Variants in THAP4 observed in about 807,000 individuals in gnomAD.
The protein encoded by THAP4 is peroxynitrite isomerase THAP4.
In THAP4, 18 loss-of-function variants were observed where a neutral mutation model predicts 48.1. That is an observed-to-expected ratio of 0.37 (90% CI 0.26 to 0.56). The LOEUF is 0.56. Among genes scored for constraint, THAP4 ranks in the 20% least tolerant of loss-of-function variants. The pLI is 0.78. For synonymous variants in THAP4, 345 were observed against 324.9 expected (o/e 1.06, Z -0.66); for missense variants, 656 against 774.9 (o/e 0.85, Z 1.82).
rs186550435 is a variant in THAP4, at chr2:241,612,415, C to T, written c.1241-5942G>A. ...GGAGCAGTGGCCCAGGACTGCCACT[C>T]CTGGAGACATGCACTCCCAGCAGAA... On this transcript the variant is annotated intron_variant, in intron 2 of 5. Transcript: ENST00000407315. The surrounding 1 kb of genome is among the most constrained non-coding windows in gnomAD (Gnocchi z 4.1). 6.6e-6 allele frequency among the ~76,000 whole-genome samples: 1 copy of T among 152,298 alleles called. No homozygotes were observed. Among genetic ancestry groups the T allele is most frequent in the East Asian group, 1.9e-4 (1 of 5,186 alleles).
intron 5 of THAP4, among the ~76,000 whole-genome samples, chr2:241,591,221 A>ATGATGATGGGCACTAGGACACACAGAG (rs2066974857): frequency 2.0e-4 from 5 of 24,946 alleles, no homozygotes; most frequent in Non-Finnish European, 2.3e-4. Context: ...GACACTCAGA[A>ATGATGATGGGCACTAGGACACACAGAG]CTGCTCGGCT....
intron 2 of THAP4, among the ~76,000 whole-genome samples, chr2:241,631,039 C>A (rs868608705): frequency 2.6e-5 from 4 of 152,084 alleles, no homozygotes; most frequent in South Asian, 2.1e-4. Flanking sequence ...ACCTCGGCAA[C>A]AGAGTGAGAT....
At chr2:241,637,393 T>G (rs529324360), upstream of THAP4, 1 of 1,425,602 alleles carries the variant, frequency 7.0e-7, no homozygotes, top group Non-Finnish European at 9.2e-7. Context: ...GGGACAGAGC[T>G]CGCCTCTGCC....
chr2:241,636,147 A>G (rs1230976963), intron 1 of THAP4, among the ~76,000 whole-genome samples: 2 of 152,264 alleles, frequency 1.3e-5, no homozygotes, highest in African/African-American at 2.4e-5. Flanking sequence ...CTTATAATAC[A>G]TTGTAATGAT....
In THAP4 at chr2:241,616,316, C is replaced by T. The variant is rs1009842112; in HGVS notation, c.1241-9843G>A. On this transcript the variant is annotated intron_variant, in intron 2 of 5. Transcript: ENST00000407315. This position sits in a 1 kb window ranked among gnomAD's most constrained non-coding sequence, Gnocchi z 4.6. ...ATTGCTGGCAGCTTGGAAGGCGACC[C>T]GTGACATCAGTGAGAAGGGCGGGTG... Among the ~76,000 whole-genome samples the T allele has an allele frequency of 3.9e-5, 6 of 152,266 alleles. No individual in the cohort carries two copies. The highest frequency in any genetic ancestry group is 1.9e-4 in the East Asian group (1 of 5,184).
intron 2 of THAP4, chr2:241,617,479 C>T (rs140817855): frequency 2.0e-4 from 303 of 1,548,686 alleles, no homozygotes; most frequent in Non-Finnish European, 2.6e-4. Context: ...TGCCAATTGA[C>T]GGGAAATGTT....
chr2:241,603,020 C>T lies in THAP4; in HGVS notation c.1460G>A (p.Arg487His), dbSNP rs370882355. ...CACCTTGTTGGTGTCGGGCTTGAGG[C>T]GAATGAAGCCACACTCTCTGTGCAT... ...KPMHRECGFI[R>H]LKPDTNKVAF... The change falls in exon 4 of 6, where the codon CGC (arginine) becomes CAC (histidine). Residue 487 changes from arginine (R) to histidine (H), a missense_variant. By Grantham distance (29) the Arg-to-His change is conservative. Coordinates refer to ENST00000407315, the MANE Select transcript of THAP4 (RefSeq NM_015963.6). 5.0e-5 allele frequency: 81 copies of T among 1,614,028 alleles called. No homozygotes were observed. The highest frequency in any genetic ancestry group is 1.1e-4 in the East Asian group (5 of 44,888).
intron 2 of THAP4, among the ~76,000 whole-genome samples, chr2:241,613,065 T>C (rs550115653): frequency 6.6e-6 from 1 of 152,340 alleles, no homozygotes; most frequent in East Asian, 1.9e-4. Context: ...ACCTTTTTAA[T>C]GTAGCTATTA....
intron 5 of THAP4, among the ~76,000 whole-genome samples, chr2:241,597,692 C>CT (rs1041295472): frequency 6.6e-6 from 1 of 152,204 alleles, no homozygotes; most frequent in African/African-American, 2.4e-5. Flanking sequence ...TCCCTGCCTT[C>CT]TGTGTGTGCT....
At chr2:241,624,996 C>T (rs2067479877) in intron 2 of THAP4, among the ~76,000 whole-genome samples, 1 of 152,152 alleles carries the variant, frequency 6.6e-6, no homozygotes, top group Admixed American at 6.5e-5. Context: ...GTCACAGCAT[C>T]TATTAAAGAA....
In THAP4 at chr2:241,601,927, A is replaced by T; in HGVS notation, c.1583T>A (p.Ile528Asn). Residue 528 changes from isoleucine (I) to asparagine (N), a missense_variant, in exon 5 of 6, where the codon ATC becomes AAC. By Grantham distance (149) the Ile-to-Asn change is moderately radical (BLOSUM62 -3). Coordinates refer to ENST00000407315, the MANE Select transcript of THAP4 (RefSeq NM_015963.6). This position sits in a 1 kb window ranked among gnomAD's most constrained non-coding sequence, Gnocchi z 4.0. ...TACGTGGGGCTCCTTGGCGAAGGAG[A>T]TCCTGGCGATGGAGTGGGATGCGAT... ...LCIASHSIAR[I>N]SFAKEPHVEQ... 1 of 1,613,690 alleles carries T rather than the reference A, an allele frequency of 6.2e-7. No homozygotes were observed. The highest frequency in any genetic ancestry group is 8.5e-7 in the Non-Finnish European group (1 of 1,180,020).
intron 5 of THAP4, among the ~76,000 whole-genome samples, chr2:241,587,178 G>A (rs772815913): frequency 1.3e-5 from 2 of 152,092 alleles, no homozygotes; most frequent in Non-Finnish European, 2.9e-5. Flanking sequence ...TTCCAGAGGT[G>A]ACTGACCAGG....
chr2:241,588,030 A>AG (rs1445256011), intron 5 of THAP4, among the ~76,000 whole-genome samples: 2 of 138,156 alleles, frequency 1.4e-5, no homozygotes, highest in African/African-American at 5.2e-5. Context: ...GAAGGAAGGA[A>AG]GGAAGGGAGG....
chr2:241,630,890 G>C (rs189407749), intron 2 of THAP4, among the ~76,000 whole-genome samples: 9 of 152,076 alleles, frequency 5.9e-5, no homozygotes, highest in Admixed American at 5.9e-4. Context: ...GCCAGGTGTG[G>C]TGATAGGGGC....
At chr2:241,636,359 C>T (rs1411055009) in intron 1 of THAP4, among the ~76,000 whole-genome samples, 2 of 152,218 alleles carry the variant, frequency 1.3e-5, no homozygotes, top group Non-Finnish European at 2.9e-5. Context: ...CTCACAAGGC[C>T]TTAGAGGGGT....
intron 5 of THAP4, among the ~76,000 whole-genome samples, chr2:241,587,074 T>A (rs544233049): frequency 6.6e-6 from 1 of 152,186 alleles, no homozygotes. Flanking sequence ...GTGGGTGTCA[T>A]GGTTAATTTT....
intron 2 of THAP4, among the ~76,000 whole-genome samples, chr2:241,630,415 T>G (rs1476982720): frequency 6.6e-6 from 1 of 152,090 alleles, no homozygotes; most frequent in Non-Finnish European, 1.5e-5. Context: ...GGGCTGGCTG[T>G]TTGCAAAAAC....
intron 5 of THAP4, among the ~76,000 whole-genome samples, chr2:241,596,820 C>G (rs1469850729): frequency 6.8e-6 from 1 of 148,060 alleles, no homozygotes; most frequent in East Asian, 2.2e-4. Context: ...ACAACAACAA[C>G]AACAAAAAGT....
chr2:241,596,962 T>C (rs1036984171), intron 5 of THAP4, among the ~76,000 whole-genome samples: 2 of 152,198 alleles, frequency 1.3e-5, no homozygotes, highest in African/African-American at 4.8e-5. Context: ...ACTTTATAAA[T>C]ACAGTACAGT....
Sources: gnomAD v4.1 joint callset for allele counts (sites outside exome capture counted in the v4.1 genomes callset) on GRCh38, gnomAD v4.1.1 for gene constraint, Gnocchi (gnomAD v3.1) non-coding constraint, MANE v1.5 for transcripts, NCBI Gene and HGNC (gene_info 2026-07-23, HGNC 2026-07-21) for gene names.